MYO16: variants seen among roughly 807,000 people sequenced by gnomAD.
MYO16 encodes unconventional myosin-XVI.
In MYO16, 94 loss-of-function variants were observed where a neutral mutation model predicts 205.3. The ratio of observed to expected loss-of-function variants is 0.46; its 90% confidence interval spans 0.39 to 0.54. The LOEUF is 0.54. Among genes scored for constraint, MYO16 ranks in the 20% least tolerant of loss-of-function variants. The probability of loss-of-function intolerance (pLI) is 0.00; values close to 1 mark genes in which losing one functional copy is unlikely to be tolerated. For missense variants in MYO16, 2,315 were observed against 2,387.5 expected, an observed-to-expected ratio of 0.97 and a Z score of 0.63; for synonymous variants, 988 against 954.0, an observed-to-expected ratio of 1.04 and a Z score of -0.66.
chr13:108,901,859 C>A (rs924669449), intron 15 of MYO16, among the ~76,000 whole-genome samples: 3 of 152,098 alleles, frequency 2.0e-5, no homozygotes, highest in Admixed American at 1.3e-4. Context: ...AAGTCTACCA[C>A]CTAGATCATA....
At chr13:108,976,670 G>A (rs1884270232) in intron 20 of MYO16, among the ~76,000 whole-genome samples, 1 of 152,092 alleles carries the variant, frequency 6.6e-6, no homozygotes, top group South Asian at 2.1e-4. Flanking sequence ...ATGAATTTAT[G>A]TTTATAATTT....
chr13:108,664,891 CT>C (rs981290878), intron 1 of MYO16, among the ~76,000 whole-genome samples: 1 of 152,140 alleles, frequency 6.6e-6, no homozygotes, highest in African/African-American at 2.4e-5. Flanking sequence ...TGGGAATTCA[CT>C]TTGTTAATCA....
chr13:109,036,913 A>G (rs1451956992), intron 23 of MYO16, among the ~76,000 whole-genome samples: 1 of 152,174 alleles, frequency 6.6e-6, no homozygotes, highest in Non-Finnish European at 1.5e-5. Flanking sequence ...TAATAAACCA[A>G]AAAAGATGAG....
At chr13:109,145,618 T>G (rs1244724029) in intron 32 of MYO16, among the ~76,000 whole-genome samples, 1 of 152,254 alleles carries the variant, frequency 6.6e-6, no homozygotes, top group Non-Finnish European at 1.5e-5. Context: ...CACAACATTT[T>G]TTTCCATCTC....
chr13:108,781,360 A>G (rs937235563), intron 4 of MYO16, among the ~76,000 whole-genome samples: 1 of 152,204 alleles, frequency 6.6e-6, no homozygotes, highest in Non-Finnish European at 1.5e-5. Context: ...GGGTAGATGA[A>G]TGGCAGATAG....
intron 5 of MYO16, among the ~76,000 whole-genome samples, chr13:108,791,284 A>G (rs1279650684): frequency 6.6e-6 from 1 of 152,196 alleles, no homozygotes; most frequent in Admixed American, 6.5e-5. Context: ...TTGAAACAAG[A>G]TACATTATTC....
upstream of MYO16, among the ~76,000 whole-genome samples, chr13:108,591,890 T>A (rs1878409009): frequency 6.6e-6 from 1 of 152,074 alleles, no homozygotes; most frequent in South Asian, 2.1e-4. Context: ...CCCTGACTTG[T>A]CTCTTTTTCC....
intron 23 of MYO16, among the ~76,000 whole-genome samples, chr13:109,033,386 G>A (rs899378283): frequency 3.9e-5 from 6 of 152,092 alleles, no homozygotes; most frequent in Admixed American, 6.5e-5. Flanking sequence ...AGACTTCGTC[G>A]TCCCACATTA....
chr13:109,022,066 A>AATGTAT (rs1228607143), intron 23 of MYO16, among the ~76,000 whole-genome samples: 5 of 148,366 alleles, frequency 3.4e-5, no homozygotes, highest in Non-Finnish European at 4.5e-5. Context: ...ATGTATATAA[A>AATGTAT]ATGTATATGT....
intron 2 of MYO16, among the ~76,000 whole-genome samples, chr13:108,681,440 T>A (rs1343760007): frequency 6.6e-6 from 1 of 150,946 alleles, no homozygotes; most frequent in African/African-American, 2.5e-5. Context: ...TTCATTCATT[T>A]GTTTGCCAAA....
chr13:108,782,213 A>G (rs1886325309), intron 4 of MYO16, among the ~76,000 whole-genome samples: 1 of 152,212 alleles, frequency 6.6e-6, no homozygotes, highest in Non-Finnish European at 1.5e-5. Flanking sequence ...GATATGAACA[A>G]TAAGTTCCAG....
intron 4 of MYO16, among the ~76,000 whole-genome samples, chr13:108,736,673 T>G (rs1884712821): frequency 6.6e-6 from 1 of 152,236 alleles, no homozygotes; most frequent in African/African-American, 2.4e-5. Context: ...TTCCCAATTC[T>G]CTGAAGAGAG....
At chr13:108,733,452 T>A (rs1357390364) in intron 4 of MYO16, among the ~76,000 whole-genome samples, 2 of 152,158 alleles carry the variant, frequency 1.3e-5, no homozygotes, top group African/African-American at 2.4e-5. Flanking sequence ...GTATTAGTCA[T>A]AGGCACAAGA....
At chr13:108,697,763 C>T (rs1042390962) in intron 2 of MYO16, among the ~76,000 whole-genome samples, 3 of 151,872 alleles carry the variant, frequency 2.0e-5, no homozygotes, top group Non-Finnish European at 4.4e-5. Flanking sequence ...CACTTTGTCA[C>T]CCAGGCTGGA....
intron 12 of MYO16, among the ~76,000 whole-genome samples, chr13:108,874,693 CATCATTATTATTATT>C (rs777434740): frequency 0.13 from 16,697 of 128,750 alleles, 1,209 homozygotes; most frequent in Middle Eastern, 0.19. Context: ...GTTTCATCAT[CATCATTATTATTATT>C]ATTATTATTA....
chr13:108,760,238 G>A (rs867730715), intron 4 of MYO16, among the ~76,000 whole-genome samples: 1 of 152,292 alleles, frequency 6.6e-6, no homozygotes, highest in East Asian at 1.9e-4. Context: ...CAGCAATTTA[G>A]GCTGGACCTA....
At chr13:108,752,887 G>A (rs186663558) in intron 4 of MYO16, among the ~76,000 whole-genome samples, 38 of 140,708 alleles carry the variant, frequency 2.7e-4, no homozygotes, top group African/African-American at 9.4e-4. Flanking sequence ...GGCTGGTCTC[G>A]AACTCCTGAC....
intron 2 of MYO16, among the ~76,000 whole-genome samples, chr13:108,703,313 T>C (rs1004683846): frequency 4.6e-5 from 7 of 152,164 alleles, no homozygotes; most frequent in African/African-American, 1.7e-4. Flanking sequence ...GTAAAAATTG[T>C]TATTAAAGAA....
intron 34 of MYO16, among the ~76,000 whole-genome samples, chr13:109,190,180 ATAT>A (rs1197852990): frequency 6.6e-6 from 1 of 152,150 alleles, no homozygotes; most frequent in African/African-American, 2.4e-5. Flanking sequence ...TGCCATAAAG[ATAT>A]TATCCTATTA....
Sources: allele counts gnomAD v4.1 joint callset (sites outside exome capture counted in the v4.1 genomes callset), GRCh38; gene constraint gnomAD v4.1.1; transcripts MANE v1.5; gene names NCBI Gene and HGNC (gene_info 2026-07-23, HGNC 2026-07-21).